Variants in RBM39 observed in about 807,000 individuals in gnomAD.
The protein encoded by RBM39 is RNA binding motif protein 39.
RBM39 carries 12 observed loss-of-function variants against 79.6 expected under a neutral mutation model. That is an observed-to-expected ratio of 0.15 (90% CI 0.10 to 0.24). The LOEUF (loss-of-function observed/expected upper bound fraction) is 0.24, where lower values mean the gene tolerates loss of function less well. Ranked by LOEUF, RBM39 falls within the 10% of genes least tolerant of loss-of-function variation. The pLI, the probability that RBM39 is intolerant of heterozygous loss-of-function variation, is 1.00. For missense variants in RBM39, 243 were observed against 653.4 expected, an observed-to-expected ratio of 0.37 and a Z score of 6.85; for synonymous variants, 185 against 208.4, an observed-to-expected ratio of 0.89 and a Z score of 0.97.
chr20:35,741,032 T>TTTTTTTTC (rs2040458567), intron 1 of RBM39, 145 bp from the exon 2 acceptor site: 1 of 316,786 alleles, frequency 3.2e-6, no homozygotes. Context: ...ACATTTTTCT[T>TTTTTTTTC]TTTTTTTTTT....
At chr20:35,705,120 A>G (rs542159170) in intron 15 of RBM39, 105 bp downstream of exon 15, 44 of 731,232 alleles carry the variant, frequency 6.0e-5, no homozygotes, top group South Asian at 4.7e-4. Context: ...ACACACACAA[A>G]AACTATAATG....
chr20:35,704,924 C>G lies in RBM39; in HGVS notation c.1414-178G>C, dbSNP rs951529042. ...TTTATTAAAAAATGACTTCTACTCT[C>G]AAATTTGCCGTTTTATCTTTTCTCT... On this transcript the variant is annotated intron_variant, in intron 15 of 16. Transcript: ENST00000253363. 2.6e-5 allele frequency: 16 copies of G among 613,084 alleles called. No homozygotes were observed. The Admixed American group carries it at 3.6e-4, about 14-fold the overall frequency. 38.0% of individuals were successfully genotyped at this position (613,084 alleles called of 1,614,324 possible).
At chr20:35,706,687 G>A (rs1382090895) in intron 14 of RBM39, among the ~76,000 whole-genome samples, 4 of 152,058 alleles carry the variant, frequency 2.6e-5, no homozygotes, top group Non-Finnish European at 4.4e-5. Context: ...GCACCTGGCC[G>A]AAAAATTATT....
At chr20:35,705,723 A>AGG (rs1359738822) in intron 14 of RBM39, among the ~76,000 whole-genome samples, 1 of 151,864 alleles carries the variant, frequency 6.6e-6, no homozygotes, top group East Asian at 1.9e-4. Flanking sequence ...GCTTGAGCCT[A>AGG]GGAGGCTGAG....
rs550242801 is a variant in RBM39 at position 35,723,243 on chromosome 20, A to G, written c.687+1327T>C. Among the ~76,000 whole-genome samples the G allele has an allele frequency of 7.9e-5, 12 of 152,214 alleles. No individual in the cohort carries two copies. In the East Asian group the frequency reaches 2.3e-3, roughly 29 times the overall value. On this transcript the variant is annotated intron_variant, in intron 8 of 16. Transcript: ENST00000253363. The stretch of plus-strand genomic sequence containing the variant: ...CCAAGATCGCCTCAAAAAAAAAAAA[A>G]AAGAAAAGTTGTCCATTTGCATTCT...
intron 8 of RBM39, among the ~76,000 whole-genome samples, chr20:35,722,104 C>T (rs534202750): frequency 6.6e-6 from 1 of 152,162 alleles, no homozygotes; most frequent in Non-Finnish European, 1.5e-5. Context: ...TAGGGAGTTA[C>T]AGCTTCAAGA....
chr20:35,725,202 A>C, intron 6 of RBM39, 47 bp from the exon 7 acceptor site: 1 of 1,270,036 alleles, frequency 7.9e-7, no homozygotes. Context: ...CAGATTTTAA[A>C]ATAATTTTTA....
chr20:35,713,165 A>G lies in RBM39; in HGVS notation c.1097-69T>C, dbSNP rs2036649722. The G allele has an allele frequency of 1.1e-5, 14 of 1,331,514 alleles. No individual in the cohort carries two copies. The East Asian group carries it at 1.2e-4, about 11-fold the overall frequency. The allele number at this position is 1,331,514 out of a possible 1,614,324, so 82.5% of individuals were successfully genotyped here. A position where few individuals can be genotyped will look rare whatever the true frequency, so the allele number is the denominator to read the frequency against. ...AGAAACGAAGTTTCCTGGGTCATTA[A>G]TATCATGATCACTTCACTAAAATAA... On this transcript the variant is annotated intron_variant, in intron 11 of 16. Coordinates refer to ENST00000253363, the MANE Select transcript of RBM39 (RefSeq NM_184234.3).
chr20:35,735,122 A>G, intron 3 of RBM39: 1 of 1,469,840 alleles, frequency 6.8e-7, no homozygotes, highest in East Asian at 2.4e-5. Context: ...ATTTATTCCA[A>G]AATTTATAGA....
chr20:35,724,781 T>C, intron 7 of RBM39, 59 bp from the exon 8 acceptor site: 3 of 1,562,054 alleles, frequency 1.9e-6, no homozygotes, highest in Non-Finnish European at 2.6e-6. Context: ...TAGAATTATT[T>C]CAAGAGACAC....
chr20:35,741,232 C>T (rs1384200238), intron 1 of RBM39, among the ~76,000 whole-genome samples: 1 of 151,108 alleles, frequency 6.6e-6, no homozygotes, highest in Non-Finnish European at 1.5e-5. Flanking sequence ...CGGGGTTTCA[C>T]CATGTTGATG....
At chr20:35,733,783 C>A (rs1343322010) in intron 3 of RBM39, among the ~76,000 whole-genome samples, 1 of 152,134 alleles carries the variant, frequency 6.6e-6, no homozygotes, top group East Asian at 1.9e-4. Flanking sequence ...AACCAATGAT[C>A]AACTTGACCT....
chr20:35,725,445 T>C (rs976616011), intron 6 of RBM39, among the ~76,000 whole-genome samples: 1 of 152,076 alleles, frequency 6.6e-6, no homozygotes, highest in Non-Finnish European at 1.5e-5. Flanking sequence ...AGCAATCCTT[T>C]TGCCCTAAAC....
intron 12 of RBM39, among the ~76,000 whole-genome samples, chr20:35,711,168 T>C (rs945925942): frequency 6.6e-6 from 1 of 152,154 alleles, no homozygotes; most frequent in Non-Finnish European, 1.5e-5. Context: ...TGTCACTGTA[T>C]CAATTCCCTG....
chr20:35,732,809 AAAAC>A (rs1314856200), intron 3 of RBM39: 3 of 152,242 alleles, frequency 2.0e-5, no homozygotes, highest in South Asian at 2.1e-4. Context: ...ATAAATTAAT[AAAAC>A]AAACTTACAA....
chr20:35,722,938 GAAA>G (rs11479374), intron 8 of RBM39, among the ~76,000 whole-genome samples: 5 of 97,598 alleles, frequency 5.1e-5, no homozygotes, highest in South Asian at 2.9e-4. Flanking sequence ...CGTCTCAAGA[GAAA>G]AAAAAAAAAA....
At position 35,732,117 on chromosome 20, in the gene RBM39, G is replaced by A. The variant is rs2039428410; in HGVS notation, c.120C>T (p.Ser40=). 4.3e-6 allele frequency: 7 copies of A among 1,613,500 alleles called. No individual in the cohort carries two copies. The highest frequency in any genetic ancestry group is 5.9e-6 in the Non-Finnish European group (7 of 1,179,942). ...TCTTTCGTTCATGACTACGACTTCT[G>A]CTCTTGCTTTTTTTCCTCCTGAGAA... ...ERSKKRKKSK[S]RSRSHERKRS... is the part of the protein sequence containing the mutation. Residue 40 remains serine, a synonymous_variant, in exon 4 of 17, where the codon AGC becomes AGT. Coordinates refer to ENST00000253363, the MANE Select transcript of RBM39 (RefSeq NM_184234.3).
chr20:35,740,446 C>T (rs1443123711), intron 2 of RBM39: 3 of 871,004 alleles, frequency 3.4e-6, no homozygotes, highest in Admixed American at 2.6e-5. Context: ...TTTGCTATAC[C>T]AAACTGGAGG....
chr20:35,741,647 G>C (rs770842191), intron 1 of RBM39: 1 of 152,210 alleles, frequency 6.6e-6, no homozygotes, highest in East Asian at 1.9e-4. Context: ...CATTGGGAGG[G>C]GTTATGAGCC....
Sources: gnomAD v4.1 joint callset for allele counts (sites outside exome capture counted in the v4.1 genomes callset) on GRCh38, gnomAD v4.1.1 for gene constraint, MANE v1.5 for transcripts, NCBI Gene and HGNC (gene_info 2026-07-23, HGNC 2026-07-21) for gene names.